Variants in CPT1A observed in about 807,000 individuals in gnomAD.
CPT1A encodes the protein carnitine O-palmitoyltransferase 1, liver isoform.
Under a neutral mutation model 100.8 loss-of-function variants are expected in CPT1A, and 64 were observed. The ratio of observed to expected loss-of-function variants is 0.63; its 90% CI spans 0.52 to 0.78. The LOEUF (loss-of-function observed/expected upper bound fraction) is 0.78. Ranked by LOEUF, CPT1A falls within the 30% of genes least tolerant of loss-of-function variation. CPT1A has a pLI of 0.00. For synonymous variants in CPT1A, 363 were observed against 396.0 expected, an observed-to-expected ratio of 0.92 and a Z score of 0.99; for missense variants, 802 against 1,034.1, an observed-to-expected ratio of 0.78 and a Z score of 3.08.
chr11:68,805,624 G>A (rs558919398), intron 4 of CPT1A, among the ~76,000 whole-genome samples: 6 of 152,222 alleles, frequency 3.9e-5, no homozygotes, highest in South Asian at 4.1e-4. Flanking sequence ...GAAGGGCACC[G>A]GGGCCAAGGT....
chr11:68,786,833 G>C lies in CPT1A; in HGVS notation c.968-1823C>G, dbSNP rs375645735. 5.9e-5 allele frequency among the ~76,000 whole-genome samples: 9 copies of C among 152,108 alleles called. No individual in the cohort carries two copies. In the East Asian group the frequency reaches 1.2e-3, roughly 20 times the overall value. ...CATGAGACACTGCACCTGGCCTCCT[G>C]CTCTGATTTTTAAAATGTTTACCAA... On this transcript the variant is annotated intron_variant, in intron 9 of 18. Coordinates refer to ENST00000265641, the MANE Select transcript of CPT1A (RefSeq NM_001876.4).
At chr11:68,816,379 C>T (rs978836598) in intron 1 of CPT1A, among the ~76,000 whole-genome samples, 13 of 152,324 alleles carry the variant, frequency 8.5e-5, no homozygotes, top group Admixed American at 8.5e-4. Flanking sequence ...TCCTTGGAGG[C>T]AGCGGCTGAA....
At chr11:68,805,450 C>CAA (rs35857185) in intron 4 of CPT1A, among the ~76,000 whole-genome samples, 7 of 134,628 alleles carry the variant, frequency 5.2e-5, no homozygotes, top group East Asian at 2.2e-4. Flanking sequence ...GATGCTGTCT[C>CAA]AAAAAAAAAA....
chr11:68,813,646 G>A (rs1322105783), intron 2 of CPT1A, among the ~76,000 whole-genome samples: 18 of 149,136 alleles, frequency 1.2e-4, no homozygotes, highest in East Asian at 4.0e-4. Context: ...ACAGTGAGCC[G>A]TGATCGCACC....
rs115748791 is a variant in CPT1A, at chr11:68,834,038, A to G, written c.-14+7737T>C. On this transcript the variant is annotated intron_variant, in intron 1 of 18. Transcript: ENST00000265641. Reference sequence around the variant, plus strand: ...TTGAATTCATGACTGATCATTCAATATTCACATTATTTAAATTGGCCACAC... The same window carrying G: ...TTGAATTCATGACTGATCATTCAATGTTCACATTATTTAAATTGGCCACAC... Among the ~76,000 whole-genome samples, 1,173 of 152,328 alleles carry G rather than the reference A, an allele frequency of 7.7e-3. 10 individuals are homozygous for G. The highest frequency in any genetic ancestry group is 0.026 in the African/African-American group (1,091 of 41,560).
chr11:68,774,499 G>C (rs1855087571), intron 13 of CPT1A, among the ~76,000 whole-genome samples: 1 of 151,632 alleles, frequency 6.6e-6, no homozygotes, highest in Non-Finnish European at 1.5e-5. Flanking sequence ...CTGGAGTGCA[G>C]TGGCACCATC....
intron 1 of CPT1A, among the ~76,000 whole-genome samples, chr11:68,817,783 A>C (rs376494083): frequency 2.8e-5 from 4 of 144,452 alleles, no homozygotes; most frequent in African/African-American, 1.1e-4. Flanking sequence ...AGCTAAGGTC[A>C]AGAGCAGGCC....
chr11:68,758,630 T>C (rs1441286162), intron 18 of CPT1A, among the ~76,000 whole-genome samples: 48 of 151,310 alleles, frequency 3.2e-4, no homozygotes, highest in Non-Finnish European at 8.8e-5. Context: ...TTTTTTTTTT[T>C]TTTTCTGAGA....
At chr11:68,816,748 A>G (rs1856401859) in intron 1 of CPT1A, among the ~76,000 whole-genome samples, 1 of 63,850 alleles carries the variant, frequency 1.6e-5, no homozygotes, top group Admixed American at 2.1e-4. Context: ...ATAAAAATCC[A>G]AAAACTCGTG....
rs758539295 is a variant in CPT1A at position 68,812,547 on chromosome 11, T to C, written c.171A>G (p.Ala57=). 5.5e-5 allele frequency: 88 copies of C among 1,614,036 alleles called. No homozygotes were observed. In the Admixed American group the frequency reaches 8.5e-4, roughly 16 times the overall value. The part of the protein sequence containing the change: ...KNGIITGVYP[A]SPSSWLIVVV... ...CCACGATAAGCCAACTGGAGGGGCT[T>C]GCCGGGTACACGCCAGTGATGATGC... Residue 57 remains alanine, a synonymous_variant, in exon 3 of 19, where the codon GCA becomes GCG. Coordinates refer to ENST00000265641, the MANE Select transcript of CPT1A (RefSeq NM_001876.4).
At chr11:68,808,539 T>A (rs1399465291) in intron 3 of CPT1A, among the ~76,000 whole-genome samples, 1 of 151,622 alleles carries the variant, frequency 6.6e-6, no homozygotes, top group Non-Finnish European at 1.5e-5. Flanking sequence ...ATCCAACTAA[T>A]TTTTGTATTT....
intron 14 of CPT1A, among the ~76,000 whole-genome samples, chr11:68,764,490 G>A (rs937150762): frequency 1.3e-5 from 2 of 152,068 alleles, no homozygotes; most frequent in Non-Finnish European, 2.9e-5. Context: ...TGGGGAAGGG[G>A]AAGCCGGACA....
At chr11:68,830,714 G>C (rs1856854399) in intron 1 of CPT1A, among the ~76,000 whole-genome samples, 1 of 152,168 alleles carries the variant, frequency 6.6e-6, no homozygotes, top group Admixed American at 6.5e-5. Flanking sequence ...CTCGCAGCTG[G>C]GAAGTCTTCA....
At chr11:68,795,015 T>A in intron 7 of CPT1A, 104 bp from the exon 8 acceptor site, 1 of 838,210 alleles carries the variant, frequency 1.2e-6, no homozygotes, top group African/African-American at 1.7e-5. Context: ...TAGAGATGCA[T>A]CAATATACAT....
chr11:68,780,078 A>G (rs1266620349), intron 12 of CPT1A, among the ~76,000 whole-genome samples: 1 of 152,140 alleles, frequency 6.6e-6, no homozygotes, highest in African/African-American at 2.4e-5. Flanking sequence ...CTGAGAGTCA[A>G]CTGCCATTTC....
At chr11:68,780,028 C>T (rs1306021427) in intron 12 of CPT1A, among the ~76,000 whole-genome samples, 1 of 152,028 alleles carries the variant, frequency 6.6e-6, no homozygotes, top group Non-Finnish European at 1.5e-5. Flanking sequence ...TAGTTTATTC[C>T]AGGAAAAACC....
chr11:68,766,018 C>T (rs565843399), intron 14 of CPT1A, among the ~76,000 whole-genome samples: 32 of 152,044 alleles, frequency 2.1e-4, no homozygotes, highest in Admixed American at 5.9e-4. Flanking sequence ...ATTAGAGATG[C>T]GTGCTGCCAT....
At position 68,757,320 on chromosome 11, in the gene CPT1A, C is replaced by G. The variant is rs1365164436; in HGVS notation, c.*324G>C. 3 of 1,210,406 alleles carry G rather than the reference C, an allele frequency of 2.5e-6. No individual in the cohort carries two copies. The highest frequency in any genetic ancestry group is 9.3e-5 in the East Asian group (2 of 21,528). 75.0% of individuals were successfully genotyped at this position (1,210,406 alleles called of 1,614,324 possible). A position where few individuals can be genotyped will look rare whatever the true frequency, so the allele number is the denominator to read the frequency against. ...GAGAAAGCACACCATTTCCATTCCA[C>G]TGTGTGTGAAGCCACAACCCTACTA... On this transcript the variant is annotated 3_prime_UTR_variant, in exon 19 of 19. Coordinates refer to ENST00000265641, the MANE Select transcript of CPT1A (RefSeq NM_001876.4).
chr11:68,828,418 C>G (rs915558965), intron 1 of CPT1A, among the ~76,000 whole-genome samples: 7 of 152,110 alleles, frequency 4.6e-5, no homozygotes, highest in African/African-American at 1.7e-4. Context: ...CCACCTCCCA[C>G]CTGCGTGGGA....
Sources: allele counts gnomAD v4.1 joint callset (sites outside exome capture counted in the v4.1 genomes callset), GRCh38; gene constraint gnomAD v4.1.1; transcripts MANE v1.5; gene names NCBI Gene and HGNC (gene_info 2026-07-23, HGNC 2026-07-21).